MCF2L2: variants seen among roughly 807,000 people sequenced by gnomAD.
MCF2L2 encodes the protein probable guanine nucleotide exchange factor MCF2L2.
Under a neutral mutation model 150.2 loss-of-function variants are expected in MCF2L2, and 102 were observed. That is an observed-to-expected ratio of 0.68 (90% CI 0.58 to 0.80). The LOEUF (loss-of-function observed/expected upper bound fraction) is 0.80. Among genes scored for constraint, MCF2L2 ranks in the 30% least tolerant of loss-of-function variants. The pLI, the probability that MCF2L2 is intolerant of heterozygous loss-of-function variation, is 0.00. For synonymous variants in MCF2L2, 465 were observed against 491.3 expected (o/e 0.95, Z 0.71); for missense variants, 1,256 against 1,372.8 (o/e 0.91, Z 1.34).
intron 15 of MCF2L2, among the ~76,000 whole-genome samples, chr3:183,250,303 G>A (rs917066554): frequency 2.5e-4 from 38 of 152,284 alleles, no homozygotes; most frequent in African/African-American, 9.1e-4. Context: ...AAATCAGGAT[G>A]GGCTGGGAGC....
intron 5 of MCF2L2, among the ~76,000 whole-genome samples, chr3:183,332,154 T>C (rs894992733): frequency 2.6e-4 from 40 of 152,232 alleles, no homozygotes; most frequent in African/African-American, 9.7e-4. Context: ...GTTTGAACTG[T>C]CATTGAGAAG....
intron 3 of MCF2L2, among the ~76,000 whole-genome samples, chr3:183,344,828 A>G (rs1044724601): frequency 1.3e-5 from 2 of 152,322 alleles, no homozygotes. Flanking sequence ...AAAGACAAAG[A>G]AGGGAATTAC....
chr3:183,257,958 C>CTTTTTTTTTTTTTTTTTTTTT lies in MCF2L2; in HGVS notation c.1862+18893_1862+18913dup, dbSNP rs35323502. ...TATTCCTTGCTCCCTCCACTTCACC[C>CTTTTTTTTTTTTTTTTTTTTT]TTTTTTTTTTTTTTTTTTTTTTTTT... is the stretch of plus-strand genomic sequence containing the variant. On this transcript the variant is annotated intron_variant, in intron 15 of 29. Transcript: ENST00000328913. Among the ~76,000 whole-genome samples, 2 of 64,724 alleles carry CTTTTTTTTTTTTTTTTTTTTT rather than the reference C, an allele frequency of 3.1e-5. 1 individual carries two copies. Among genetic ancestry groups the CTTTTTTTTTTTTTTTTTTTTT allele is most frequent in the Non-Finnish European group, 5.1e-5 (2 of 39,024 alleles). 42.5% of individuals were successfully genotyped at this position (64,724 alleles called of 152,430 possible).
chr3:183,419,803 G>A (rs150554604), intron 1 of MCF2L2, among the ~76,000 whole-genome samples: 658 of 152,336 alleles, frequency 4.3e-3, no homozygotes, highest in Non-Finnish European at 7.5e-3. Flanking sequence ...AACCTGGGGG[G>A]CAGAGGTTGC....
At chr3:183,223,999 G>A (rs878887939) in intron 19 of MCF2L2, 99 bp downstream of exon 19, 10 of 849,556 alleles carry the variant, frequency 1.2e-5, no homozygotes, top group African/African-American at 1.7e-5. Flanking sequence ...AACATAAATC[G>A]CAATGCCAAG....
At chr3:183,424,158 C>T (rs954461833) in intron 1 of MCF2L2, among the ~76,000 whole-genome samples, 26 of 152,200 alleles carry the variant, frequency 1.7e-4, no homozygotes, top group African/African-American at 5.8e-4. Context: ...CACTGAAATT[C>T]TGTAAACCAA....
chr3:183,379,101 G>T, intron 3 of MCF2L2, 196 bp downstream of exon 3: 1 of 521,814 alleles, frequency 1.9e-6, no homozygotes, highest in Non-Finnish European at 3.3e-6. Context: ...CAAAACTGAG[G>T]CTTGTTTGTC....
intron 3 of MCF2L2, among the ~76,000 whole-genome samples, chr3:183,367,751 A>T (rs1577097103): frequency 6.6e-6 from 1 of 152,218 alleles, no homozygotes; most frequent in Non-Finnish European, 1.5e-5. Context: ...TTTCAATTAG[A>T]TCACCAGTAT....
chr3:183,218,494 G>A (rs904249697), intron 21 of MCF2L2, among the ~76,000 whole-genome samples: 3 of 152,206 alleles, frequency 2.0e-5, no homozygotes, highest in African/African-American at 7.2e-5. Flanking sequence ...AATTAGCCGG[G>A]CGTGGTGGCG....
In MCF2L2 at chr3:183,318,173, C is replaced by T; in HGVS notation, c.648G>A (p.Met216Ile). Residue 216 changes from methionine to isoleucine, a missense_variant, in exon 7 of 30, where the codon ATG (methionine) becomes ATA (isoleucine). By Grantham distance (10) the Met-to-Ile change is conservative (BLOSUM62 1). Coordinates refer to ENST00000328913, the MANE Select transcript of MCF2L2 (RefSeq NM_015078.4). The stretch of plus-strand genomic sequence containing the variant: ...CCAGGCAGGACCCAAACGTCTGCAG[C>T]ATCTGGGCAGTGGTCTTCAAGGTCA... ...FALTLKTTAQ[M>I]LQTFGSCLAT... 4.3e-6 allele frequency: 7 copies of T among 1,614,194 alleles called. No individual in the cohort carries two copies. Among genetic ancestry groups the T allele is most frequent in the Non-Finnish European group, 5.9e-6 (7 of 1,180,032 alleles).
At chr3:183,275,327 CAA>C (rs1253469352) in intron 15 of MCF2L2, among the ~76,000 whole-genome samples, 1 of 152,076 alleles carries the variant, frequency 6.6e-6, no homozygotes, top group Non-Finnish European at 1.5e-5. Context: ...AGTTATGCAG[CAA>C]AACTCAAATC....
intron 21 of MCF2L2, among the ~76,000 whole-genome samples, chr3:183,218,362 G>A (rs928098675): frequency 6.6e-6 from 1 of 152,198 alleles, no homozygotes; most frequent in African/African-American, 2.4e-5. Context: ...TTGGCAGGGC[G>A]CAGTGGCTCA....
intron 3 of MCF2L2, among the ~76,000 whole-genome samples, chr3:183,342,814 T>A (rs1016130429): frequency 6.6e-6 from 1 of 152,192 alleles, no homozygotes; most frequent in African/African-American, 2.4e-5. Flanking sequence ...AGAGATATAG[T>A]ACATGATAAG....
At chr3:183,405,757 C>A (rs1715010100) in intron 1 of MCF2L2, among the ~76,000 whole-genome samples, 1 of 152,220 alleles carries the variant, frequency 6.6e-6, no homozygotes, top group South Asian at 2.1e-4. Flanking sequence ...CACTCTGTCG[C>A]CCAGTTGGAG....
intron 15 of MCF2L2, among the ~76,000 whole-genome samples, chr3:183,252,585 A>T (rs1724606486): frequency 6.6e-6 from 1 of 152,194 alleles, no homozygotes; most frequent in African/African-American, 2.4e-5. Flanking sequence ...CCTGGGATCA[A>T]GCAATCCTCC....
At chr3:183,247,894 A>G (rs1223137174) in intron 15 of MCF2L2, among the ~76,000 whole-genome samples, 1 of 152,188 alleles carries the variant, frequency 6.6e-6, no homozygotes. Flanking sequence ...CCAATTCCCC[A>G]TGGATACTGA....
intron 11 of MCF2L2, chr3:183,297,679 T>G (rs1728605770): frequency 1.5e-5 from 1 of 66,992 alleles, no homozygotes; most frequent in African/African-American, 7.1e-5. Flanking sequence ...TCTTTCTTTC[T>G]CTCTGTCTCT....
chr3:183,185,519 A>T (rs370926765), intron 27 of MCF2L2, among the ~76,000 whole-genome samples: 6 of 152,268 alleles, frequency 3.9e-5, no homozygotes, highest in Admixed American at 6.5e-5. Context: ...TATAGAATCC[A>T]TCCAAAGAGA....
intron 5 of MCF2L2, among the ~76,000 whole-genome samples, chr3:183,328,349 A>G (rs1052507669): frequency 6.6e-6 from 1 of 152,172 alleles, no homozygotes; most frequent in Non-Finnish European, 1.5e-5. Context: ...CCTAATCCAC[A>G]GCTGGTAGGT....
Sources: gnomAD v4.1 joint callset for allele counts (sites outside exome capture counted in the v4.1 genomes callset) on GRCh38, gnomAD v4.1.1 for gene constraint, MANE v1.5 for transcripts, NCBI Gene and HGNC (gene_info 2026-07-23, HGNC 2026-07-21) for gene names.